HDAC9: variants seen among roughly 807,000 people sequenced by gnomAD.
The protein encoded by HDAC9 is MEF-2 interacting transcription repressor (MITR) protein.
HDAC9 carries 41 observed loss-of-function variants against 139.4 expected under a neutral mutation model. That is an observed-to-expected ratio of 0.29 (90% CI 0.23 to 0.38). HDAC9 has a LOEUF of 0.38. Among genes scored for constraint, HDAC9 ranks in the 10% least tolerant of loss-of-function variants. The pLI is 1.00. For synonymous variants in HDAC9, 517 were observed against 476.2 expected (o/e 1.09, Z -1.12); for missense variants, 1,147 against 1,297.0 (o/e 0.88, Z 1.78).
intron 2 of HDAC9, among the ~76,000 whole-genome samples, chr7:18,189,836 C>T (rs1481848742): frequency 6.6e-6 from 1 of 152,258 alleles, no homozygotes; most frequent in East Asian, 1.9e-4. Flanking sequence ...GTGTTTTTCT[C>T]ACATTTTTAA....
At chr7:18,755,942 G>C (rs2129151773) in intron 14 of HDAC9, among the ~76,000 whole-genome samples, 1 of 152,212 alleles carries the variant, frequency 6.6e-6, no homozygotes, top group African/African-American at 2.4e-5. Context: ...CCATTCCGTA[G>C]TCCCAAGTGT....
intron 12 of HDAC9, among the ~76,000 whole-genome samples, chr7:18,723,827 T>G (rs1314172940): frequency 1.3e-5 from 2 of 152,088 alleles, no homozygotes; most frequent in African/African-American, 2.4e-5. Flanking sequence ...AACATGGCCA[T>G]GTGATAAAAA....
chr7:18,659,084 A>G (rs2285441), intron 11 of HDAC9, among the ~76,000 whole-genome samples: 5 of 152,110 alleles, frequency 3.3e-5, no homozygotes, highest in South Asian at 2.1e-4. Flanking sequence ...AGAAAATCAG[A>G]TGTTTATGAG....
At chr7:18,676,768 G>A (rs1781540377) in intron 12 of HDAC9, among the ~76,000 whole-genome samples, 1 of 151,418 alleles carries the variant, frequency 6.6e-6, no homozygotes, top group Non-Finnish European at 1.5e-5. Context: ...GTCTTTATAT[G>A]TTTACAGTGG....
chr7:18,162,584 A>G (rs1787709393), intron 2 of HDAC9: 1 of 533,108 alleles, frequency 1.9e-6, no homozygotes, highest in Non-Finnish European at 3.3e-6. Flanking sequence ...TGGGACTTTA[A>G]TTCTTCTGCT....
chr7:18,704,626 A>T (rs972796954), intron 12 of HDAC9, among the ~76,000 whole-genome samples: 4 of 152,198 alleles, frequency 2.6e-5, no homozygotes, highest in Admixed American at 1.3e-4. Flanking sequence ...CAAACATAAG[A>T]TTTGGAGCAA....
intron 1 of HDAC9, among the ~76,000 whole-genome samples, chr7:18,370,065 G>T (rs1378600780): frequency 6.6e-6 from 1 of 152,088 alleles, no homozygotes. Flanking sequence ...GTCAGTAGAG[G>T]TAATGATACA....
chr7:18,139,802 C>A (rs936013203), intron 1 of HDAC9, among the ~76,000 whole-genome samples: 2 of 152,108 alleles, frequency 1.3e-5, no homozygotes, highest in Non-Finnish European at 2.9e-5. Flanking sequence ...TTAATACGTA[C>A]AGAAGGGAAG....
chr7:18,251,311 A>G (rs544783039), intron 2 of HDAC9, among the ~76,000 whole-genome samples: 42 of 152,268 alleles, frequency 2.8e-4, no homozygotes, highest in African/African-American at 9.9e-4. Flanking sequence ...AATGATGAGA[A>G]CACATGGACA....
At chr7:18,185,338 G>T (rs1172597026) in intron 2 of HDAC9, among the ~76,000 whole-genome samples, 1 of 152,160 alleles carries the variant, frequency 6.6e-6, no homozygotes, top group Non-Finnish European at 1.5e-5. Flanking sequence ...TGAGGCTTAG[G>T]CGTGAGTATT....
rs1786628160 is a variant in HDAC9, at chr7:18,999,189, CT to C, written c.*3129del. 6.6e-6 allele frequency: 1 copy of C among 152,104 alleles called. No individual in the cohort carries two copies. Among genetic ancestry groups the C allele is most frequent in the Non-Finnish European group, 1.5e-5 (1 of 68,030 alleles). 9.4% of individuals were successfully genotyped at this position (152,104 alleles called of 1,614,324 possible). A position where few individuals can be genotyped will look rare whatever the true frequency, so the allele number is the denominator to read the frequency against. On this transcript the variant is annotated 3_prime_UTR_variant, in exon 26 of 26. Transcript: ENST00000686413. ...CCAATCCTGGGGATGGAAATATTGC[CT>C]TCAGTTTTTACTCCAGCCCTATACG...
chr7:18,733,044 CAT>C (rs1313642258), intron 13 of HDAC9, among the ~76,000 whole-genome samples: 2 of 141,638 alleles, frequency 1.4e-5, no homozygotes, highest in African/African-American at 5.2e-5. Flanking sequence ...TACAGATATA[CAT>C]ATATACATGT....
At chr7:18,347,640 C>G (rs1782522350) in intron 1 of HDAC9, among the ~76,000 whole-genome samples, 1 of 152,136 alleles carries the variant, frequency 6.6e-6, no homozygotes, top group South Asian at 2.1e-4. Context: ...GAGTCTCAGT[C>G]TGTTGCCCAA....
intron 2 of HDAC9, among the ~76,000 whole-genome samples, chr7:18,271,460 T>C (rs1796347246): frequency 6.6e-6 from 1 of 152,148 alleles, no homozygotes; most frequent in Non-Finnish European, 1.5e-5. Context: ...ACAGCCCAAG[T>C]GGTATATGTA....
In HDAC9 at chr7:18,996,314, C is replaced by T. The variant is rs924456816; in HGVS notation, c.*252C>T. On this transcript the variant is annotated 3_prime_UTR_variant, in exon 26 of 26. Transcript: ENST00000686413. ...AACCACGATTGGAAGAAACTGCTTCCAGCATGCTTTTAATATGCTGGGTGA... is the reference window on the plus strand; with the variant it reads ...AACCACGATTGGAAGAAACTGCTTCTAGCATGCTTTTAATATGCTGGGTGA... 1.3e-5 allele frequency: 5 copies of T among 399,326 alleles called. No individual in the cohort carries two copies. Among genetic ancestry groups the T allele is most frequent in the Non-Finnish European group, 2.3e-5 (5 of 215,450 alleles). 24.7% of individuals were successfully genotyped at this position (399,326 alleles called of 1,614,324 possible).
At chr7:18,546,201 T>C (rs898149178) in intron 2 of HDAC9, among the ~76,000 whole-genome samples, 4 of 152,234 alleles carry the variant, frequency 2.6e-5, no homozygotes, top group Non-Finnish European at 5.9e-5. Flanking sequence ...TTAGTGATTC[T>C]ATTTTGTTTT....
At chr7:18,821,900 T>C (rs1795001942) in intron 17 of HDAC9, among the ~76,000 whole-genome samples, 3 of 152,192 alleles carry the variant, frequency 2.0e-5, no homozygotes, top group Admixed American at 6.5e-5. Context: ...TCAGTTTACC[T>C]ACTAGATTAC....
intron 1 of HDAC9, among the ~76,000 whole-genome samples, chr7:18,093,244 CT>C (rs1562610626): frequency 6.6e-6 from 1 of 152,186 alleles, no homozygotes; most frequent in South Asian, 2.1e-4. Context: ...AGGCTAAATA[CT>C]TTGCCAAGGG....
At chr7:18,667,819 G>A in intron 12 of HDAC9, 1 of 984,582 alleles carries the variant, frequency 1.0e-6, no homozygotes, top group Non-Finnish European at 1.2e-6. Flanking sequence ...GCTTTTCACT[G>A]GAACATTTCC....
Sources: gnomAD v4.1 joint callset for allele counts (sites outside exome capture counted in the v4.1 genomes callset) on GRCh38, gnomAD v4.1.1 for gene constraint, MANE v1.5 for transcripts, NCBI Gene and HGNC (gene_info 2026-07-23, HGNC 2026-07-21) for gene names.